CCBE1: variants seen among roughly 807,000 people sequenced by gnomAD.
CCBE1 encodes collagen and calcium-binding EGF domain-containing protein 1.
CCBE1 carries 37 observed loss-of-function variants against 50.0 expected under a neutral mutation model. The ratio of observed to expected loss-of-function variants is 0.74; its 90% confidence interval spans 0.57 to 0.97. CCBE1 has a LOEUF of 0.97. Ranked by LOEUF, CCBE1 falls within the 50% of genes least tolerant of loss-of-function variation. CCBE1 has a pLI of 0.00. For synonymous variants in CCBE1, 234 were observed against 203.7 expected (o/e 1.15, Z -1.27); for missense variants, 538 against 523.8 (o/e 1.03, Z -0.26).
At chr18:59,561,335 G>A (rs2052735046) in intron 2 of CCBE1, among the ~76,000 whole-genome samples, 1 of 152,180 alleles carries the variant, frequency 6.6e-6, no homozygotes, top group Admixed American at 6.5e-5. Context: ...ATTACGTCAG[G>A]CCTGTGTGCA....
intron 2 of CCBE1, among the ~76,000 whole-genome samples, chr18:59,516,732 T>C (rs535726661): frequency 1.3e-5 from 2 of 152,182 alleles, no homozygotes; most frequent in Non-Finnish European, 2.9e-5. Flanking sequence ...TTCCTGAGAC[T>C]TCAGACTCTT....
At chr18:59,628,692 C>G (rs755418668) in intron 2 of CCBE1, among the ~76,000 whole-genome samples, 31 of 152,290 alleles carry the variant, frequency 2.0e-4, no homozygotes, top group Middle Eastern at 3.4e-3. Context: ...AGGGCTTCTT[C>G]ATTCAAGTCA....
chr18:59,549,166 A>T (rs1183563566), intron 2 of CCBE1, among the ~76,000 whole-genome samples: 2 of 151,996 alleles, frequency 1.3e-5, no homozygotes, highest in Non-Finnish European at 2.9e-5. Context: ...GGATATATAG[A>T]CCACACCGTG....
At chr18:59,582,483 C>T (rs2053100232) in intron 2 of CCBE1, among the ~76,000 whole-genome samples, 1 of 152,292 alleles carries the variant, frequency 6.6e-6, no homozygotes, top group East Asian at 1.9e-4. Context: ...ATGTTTTGTG[C>T]AAACAGACTA....
intron 2 of CCBE1, among the ~76,000 whole-genome samples, chr18:59,517,429 C>T (rs1914419511): frequency 6.6e-6 from 1 of 152,184 alleles, no homozygotes; most frequent in Non-Finnish European, 1.5e-5. Context: ...GATAAGCCTC[C>T]ATGATGGCAA....
intron 2 of CCBE1, among the ~76,000 whole-genome samples, chr18:59,532,693 T>C (rs781484028): frequency 6.6e-6 from 1 of 152,266 alleles, no homozygotes; most frequent in Non-Finnish European, 1.5e-5. Context: ...CTTGGATTAA[T>C]TATAATGATG....
intron 5 of CCBE1, among the ~76,000 whole-genome samples, chr18:59,463,003 A>G (rs1299439610): frequency 1.3e-5 from 2 of 152,262 alleles, no homozygotes; most frequent in Non-Finnish European, 2.9e-5. Flanking sequence ...CACAGAGGTC[A>G]CACTGGTCAT....
rs561607303 is a variant in CCBE1, at chr18:59,505,096, C to T, written c.213-24858G>A. Among the ~76,000 whole-genome samples, 8 of 152,322 alleles carry T rather than the reference C, an allele frequency of 5.3e-5. No individual in the cohort carries two copies. In the South Asian group the frequency reaches 1.7e-3, roughly 32 times the overall value. On this transcript the variant is annotated intron_variant, in intron 2 of 10. Transcript: ENST00000439986. The stretch of plus-strand genomic sequence containing the variant: ...CTACTTGGATTTCATGGCCTCTAAG[C>T]TTCCAACTCTAAAATTTGATAAAAA...
rs556798614 is a variant in CCBE1, at chr18:59,470,371, G to A, written c.266-764C>T. Among the ~76,000 whole-genome samples, 322 of 152,240 alleles carry A rather than the reference G, an allele frequency of 2.1e-3. 1 individual carries two copies. The highest frequency in any genetic ancestry group is 5.2e-3 in the Admixed American group (79 of 15,296). ...TCCCACCAGGTCCCTCCCATGACAC[G>A]AGGGAATTAAGGGAGCTACAATTCA... On this transcript the variant is annotated intron_variant, in intron 3 of 10. Coordinates refer to ENST00000439986, the MANE Select transcript of CCBE1 (RefSeq NM_133459.4).
chr18:59,534,122 GATGTTGGCTAATGATA>G lies in CCBE1; in HGVS notation c.213-53900_213-53885del, dbSNP rs896809412. Among the ~76,000 whole-genome samples, 7 of 152,290 alleles carry G rather than the reference GATGTTGGCTAATGATA, an allele frequency of 4.6e-5. No homozygotes were observed. The East Asian group carries it at 1.2e-3, about 25-fold the overall frequency. On this transcript the variant is annotated intron_variant, in intron 2 of 10. Transcript: ENST00000439986. Reference sequence around the variant, plus strand: ...TACATGGAAGACTATAGATTACTAAGATGTTGGCTAATGATAATGTTGGCTAATGATAAATGAATGT... The same window carrying G: ...TACATGGAAGACTATAGATTACTAAGATGTTGGCTAATGATAAATGAATGT...
intron 2 of CCBE1, among the ~76,000 whole-genome samples, chr18:59,621,493 CAT>C (rs1429261714): frequency 2.0e-5 from 3 of 152,218 alleles, no homozygotes; most frequent in Non-Finnish European, 4.4e-5. Flanking sequence ...AGGCAGCAGA[CAT>C]GTGGATAAAT....
rs1598937372 is a variant in CCBE1 at position 59,480,255 on chromosome 18, C to T, written c.213-17G>A. On this transcript the variant is annotated splice_polypyrimidine_tract_variant and intron_variant, in intron 2 of 10. Transcript: ENST00000439986. ...CACTTTTTCCTAAGAGACAAACAAA[C>T]ATTTAAAATATAATAATTAGGCTAA... 1 of 1,536,696 alleles carries T rather than the reference C, an allele frequency of 6.5e-7. No individual in the cohort carries two copies. Among genetic ancestry groups the T allele is most frequent in the Non-Finnish European group, 9.0e-7 (1 of 1,111,168 alleles).
intron 2 of CCBE1, among the ~76,000 whole-genome samples, chr18:59,656,650 G>A (rs2054194072): frequency 6.6e-6 from 1 of 152,170 alleles, no homozygotes; most frequent in Non-Finnish European, 1.5e-5. Flanking sequence ...CATCTAGCGG[G>A]CAATTGGTTG....
chr18:59,596,128 G>C lies in CCBE1; in HGVS notation c.212+100501C>G, dbSNP rs116084884. Among the ~76,000 whole-genome samples the C allele has an allele frequency of 4.1e-3, 618 of 152,306 alleles. 7 individuals are homozygous for C. Among genetic ancestry groups the C allele is most frequent in the African/African-American group, 0.014 (591 of 41,568 alleles). ...AGGAAATAAGGGGTCTGAACAGAGTGACTGTTTGCCCTATAACTTTCCTCT... is the reference window on the plus strand; with the variant it reads ...AGGAAATAAGGGGTCTGAACAGAGTCACTGTTTGCCCTATAACTTTCCTCT... On this transcript the variant is annotated intron_variant, in intron 2 of 10. Coordinates refer to ENST00000439986, the MANE Select transcript of CCBE1 (RefSeq NM_133459.4).
intron 2 of CCBE1, among the ~76,000 whole-genome samples, chr18:59,497,353 C>A (rs1174151214): frequency 2.6e-5 from 4 of 152,166 alleles, no homozygotes; most frequent in African/African-American, 7.2e-5. Context: ...TCACTGAGCA[C>A]AGATCATACT....
chr18:59,439,622 G>A (rs531049235), intron 8 of CCBE1, 44 bp from the exon 9 acceptor site: 1 of 1,614,230 alleles, frequency 6.2e-7, no homozygotes, highest in South Asian at 1.1e-5. Flanking sequence ...CAAAAGCATG[G>A]GACAAAAACA....
chr18:59,558,424 G>C (rs1403836650), intron 2 of CCBE1, among the ~76,000 whole-genome samples: 1 of 152,242 alleles, frequency 6.6e-6, no homozygotes, highest in Non-Finnish European at 1.5e-5. Flanking sequence ...AAGGTACATG[G>C]ATGTACTTTG....
chr18:59,683,775 G>A (rs535226947), intron 2 of CCBE1, among the ~76,000 whole-genome samples: 1 of 152,252 alleles, frequency 6.6e-6, no homozygotes, highest in East Asian at 1.9e-4. Context: ...GGCAGGACCT[G>A]GAGATGCCGC....
intron 2 of CCBE1, among the ~76,000 whole-genome samples, chr18:59,633,414 A>G (rs1055383551): frequency 6.6e-6 from 1 of 152,178 alleles, no homozygotes; most frequent in Non-Finnish European, 1.5e-5. Context: ...GGGGGACATT[A>G]GTTTTCTCTG....
Sources: allele counts gnomAD v4.1 joint callset (sites outside exome capture counted in the v4.1 genomes callset), GRCh38; gene constraint gnomAD v4.1.1; transcripts MANE v1.5; gene names NCBI Gene and HGNC (gene_info 2026-07-23, HGNC 2026-07-21).